CACNB2: variants seen among roughly 807,000 people sequenced by gnomAD.
CACNB2 encodes voltage-dependent L-type calcium channel subunit beta-2.
In CACNB2, 42 loss-of-function variants were observed where a neutral mutation model predicts 73.3. That is an observed-to-expected ratio of 0.57 (90% CI 0.45 to 0.74). CACNB2 has a LOEUF of 0.74. CACNB2 is among the 30% of genes least tolerant of loss of function. The pLI is 0.00. For missense variants in CACNB2, 940 were observed against 853.0 expected (o/e 1.10, Z -1.27); for synonymous variants, 348 against 310.3 (o/e 1.12, Z -1.28).
intron 2 of CACNB2, among the ~76,000 whole-genome samples, chr10:18,321,825 AT>A (rs1564434613): frequency 6.6e-6 from 1 of 151,964 alleles, no homozygotes; most frequent in East Asian, 1.9e-4. Flanking sequence ...CTCTTTTTGA[AT>A]TGTTTTTGGG....
At chr10:18,167,105 T>C (rs1197077673) in intron 2 of CACNB2, among the ~76,000 whole-genome samples, 3 of 152,138 alleles carry the variant, frequency 2.0e-5, no homozygotes, top group African/African-American at 7.2e-5. Context: ...CTAGAATAAT[T>C]ATTAGCTGCT....
chr10:18,527,707 T>C lies in CACNB2; in HGVS notation c.1054+10T>C, dbSNP rs748978690. 2 of 1,534,928 alleles carry C rather than the reference T, an allele frequency of 1.3e-6. No homozygotes were observed. Among genetic ancestry groups the C allele is most frequent in the Non-Finnish European group, 1.8e-6 (2 of 1,109,146 alleles). ...ACAAGGTCAAGCTTAGGTAAGTCTG[T>C]GCAATGAGCTTAAGCTTTTTAAACT... On this transcript the variant is annotated intron_variant, in intron 10 of 13. Transcript: ENST00000324631.
chr10:18,286,707 G>T (rs922352612), intron 2 of CACNB2, among the ~76,000 whole-genome samples: 3 of 152,064 alleles, frequency 2.0e-5, no homozygotes, highest in Admixed American at 2.0e-4. Context: ...ATGGACTTAA[G>T]ATTGTGATTG....
chr10:18,445,243 T>A (rs2046674415), intron 3 of CACNB2, among the ~76,000 whole-genome samples: 1 of 152,212 alleles, frequency 6.6e-6, no homozygotes, highest in Non-Finnish European at 1.5e-5. Flanking sequence ...GGAAATTGTC[T>A]AGCAGCTGGC....
intron 3 of CACNB2, among the ~76,000 whole-genome samples, chr10:18,481,230 ATTTTTTTTTTTTTTTTTTTT>A (rs1183940542): frequency 5.6e-5 from 1 of 17,990 alleles, no homozygotes; most frequent in African/African-American, 2.4e-4. Flanking sequence ...ATATATATAT[ATTTTTTTTTTTTTTTTTTTT>A]TTTTTTTTTT....
chr10:18,509,933 A>G (rs1270120608), intron 6 of CACNB2, among the ~76,000 whole-genome samples: 3 of 152,244 alleles, frequency 2.0e-5, no homozygotes, highest in African/African-American at 7.2e-5. Context: ...AATGTTTGCT[A>G]AAGCATGGAA....
chr10:18,222,000 A>G (rs1461960005), intron 2 of CACNB2, among the ~76,000 whole-genome samples: 1 of 152,240 alleles, frequency 6.6e-6, no homozygotes, highest in East Asian at 1.9e-4. Context: ...ACCATTATGC[A>G]GTCCTAGAGA....
At chr10:18,508,122 C>T (rs1424089124) in intron 6 of CACNB2, among the ~76,000 whole-genome samples, 3 of 152,028 alleles carry the variant, frequency 2.0e-5, no homozygotes, top group Non-Finnish European at 4.4e-5. Flanking sequence ...CAATTCAAAC[C>T]ATTGTTCTGT....
At chr10:18,308,554 T>C (rs2039836376) in intron 2 of CACNB2, among the ~76,000 whole-genome samples, 1 of 152,200 alleles carries the variant, frequency 6.6e-6, no homozygotes, top group African/African-American at 2.4e-5. Flanking sequence ...TGAAAGATCA[T>C]TGTAAAATGG....
At chr10:18,224,112 T>C (rs542079865) in intron 2 of CACNB2, among the ~76,000 whole-genome samples, 1 of 152,200 alleles carries the variant, frequency 6.6e-6, no homozygotes, top group Admixed American at 6.5e-5. Context: ...AAATTAGATA[T>C]AAAATAAAAT....
intron 2 of CACNB2, chr10:18,238,287 T>C (rs188217951): frequency 6.6e-6 from 1 of 152,330 alleles, no homozygotes; most frequent in African/African-American, 2.4e-5. Context: ...AGTTCTAGCC[T>C]GGTCCTCTCT....
At chr10:18,531,495 T>G (rs1003861068) in intron 10 of CACNB2, among the ~76,000 whole-genome samples, 1 of 152,194 alleles carries the variant, frequency 6.6e-6, no homozygotes. Flanking sequence ...ATCTTTATAA[T>G]AGAATGATTT....
intron 2 of CACNB2, among the ~76,000 whole-genome samples, chr10:18,244,907 A>G (rs560154734): frequency 1.3e-5 from 2 of 152,308 alleles, no homozygotes; most frequent in Non-Finnish European, 2.9e-5. Context: ...ACAGATAGGA[A>G]AGTTGGAGTC....
At chr10:18,360,025 C>G (rs1252781049) in intron 2 of CACNB2, among the ~76,000 whole-genome samples, 3 of 152,026 alleles carry the variant, frequency 2.0e-5, no homozygotes, top group Non-Finnish European at 4.4e-5. Flanking sequence ...CGGGTAAGAA[C>G]AGTACAGGAG....
chr10:18,261,251 T>G, intron 2 of CACNB2: 1 of 1,550,990 alleles, frequency 6.4e-7, no homozygotes, highest in Non-Finnish European at 8.7e-7. Flanking sequence ...ACACGCTGAC[T>G]GCGTTCTGCC....
chr10:18,426,038 C>G (rs573929454), intron 3 of CACNB2, among the ~76,000 whole-genome samples: 1 of 152,200 alleles, frequency 6.6e-6, no homozygotes, highest in Non-Finnish European at 1.5e-5. Context: ...ACATATCAAC[C>G]CATCATATTT....
intron 6 of CACNB2, 135 bp downstream of exon 6, chr10:18,506,682 C>G: frequency 1.4e-6 from 1 of 704,646 alleles, no homozygotes; most frequent in Non-Finnish European, 2.6e-6. Context: ...CAGAAGTGAG[C>G]ATGCCCTTTT....
intron 2 of CACNB2, among the ~76,000 whole-genome samples, chr10:18,352,258 C>T (rs2041741013): frequency 6.6e-6 from 1 of 152,226 alleles, no homozygotes; most frequent in Admixed American, 6.5e-5. Context: ...CATCACGTCC[C>T]ATGACAGGGC....
At chr10:18,376,995 A>G (rs774691767) in intron 2 of CACNB2, among the ~76,000 whole-genome samples, 4 of 152,322 alleles carry the variant, frequency 2.6e-5, no homozygotes, top group African/African-American at 2.4e-5. Flanking sequence ...TAAAATAACT[A>G]AAAGAGCATA....
Sources: allele counts gnomAD v4.1 joint callset (sites outside exome capture counted in the v4.1 genomes callset), GRCh38; gene constraint gnomAD v4.1.1; transcripts MANE v1.5; gene names NCBI Gene and HGNC (gene_info 2026-07-23, HGNC 2026-07-21).